RREB1: variants seen among roughly 807,000 people sequenced by gnomAD.
RREB1 encodes the protein ras-responsive element-binding protein 1.
Under a neutral mutation model 117.8 loss-of-function variants are expected in RREB1, and 27 were observed. That is an observed-to-expected ratio of 0.23 (90% confidence interval 0.17 to 0.32). The LOEUF is 0.32. Among genes scored for constraint, RREB1 ranks in the 10% least tolerant of loss-of-function variants. RREB1 has a pLI of 1.00. For missense variants in RREB1, 2,577 were observed against 2,378.2 expected, an observed-to-expected ratio of 1.08 and a Z score of -1.74; for synonymous variants, 1,298 against 1,026.7, an observed-to-expected ratio of 1.26 and a Z score of -5.05.
At chr6:7,166,742 T>G (rs948516455) in intron 1 of RREB1, among the ~76,000 whole-genome samples, 5 of 152,216 alleles carry the variant, frequency 3.3e-5, no homozygotes, top group Non-Finnish European at 2.9e-5. Context: ...TCCTGAATTC[T>G]GGGAATTCGA....
chr6:7,215,036 C>G (rs564487327), intron 8 of RREB1: 12 of 153,126 alleles, frequency 7.8e-5, no homozygotes, highest in Non-Finnish European at 1.3e-4. Context: ...CAGTCATCCC[C>G]CTTCCCCCAG....
intron 6 of RREB1, among the ~76,000 whole-genome samples, chr6:7,199,747 T>A (rs1333981896): frequency 6.6e-6 from 1 of 152,058 alleles, no homozygotes. Flanking sequence ...CACTGCAACC[T>A]CAACCTCCCA....
Position 7,246,530 on chromosome 6 carries a change from C to G in RREB1, c.4080C>G (p.Val1360=), listed in dbSNP as rs1358407442. 1.3e-6 allele frequency: 2 copies of G among 1,547,216 alleles called. No individual in the cohort carries two copies. The highest frequency in any genetic ancestry group is 2.4e-5 in the East Asian group (1 of 41,084). ...PSEGATELRQ[V]AGDAPVEQAT... ...AGGGCGCCACTGAGCTCCGCCAGGT[C>G]GCAGGGGATGCGCCTGTGGAGCAGG... Residue 1360 remains valine, a synonymous_variant, in exon 12 of 13, where the codon GTC becomes GTG. Transcript: ENST00000379938.
rs764506308 is a variant in RREB1 at position 7,249,910 on chromosome 6, C to T, written c.*942C>T. 1.3e-5 allele frequency: 2 copies of T among 152,528 alleles called. No homozygotes were observed. The highest frequency in any genetic ancestry group is 4.8e-5 in the African/African-American group (2 of 41,410). 9.4% of individuals were successfully genotyped at this position (152,528 alleles called of 1,614,324 possible). On this transcript the variant is annotated 3_prime_UTR_variant, in exon 13 of 13. Transcript: ENST00000379938. Reference sequence around the variant, plus strand: ...GAGACCTGTGCCGCACCCAGGTCCCCGTGTTAACGTGTGCCTGCGGTTGTG... The same window carrying T: ...GAGACCTGTGCCGCACCCAGGTCCCTGTGTTAACGTGTGCCTGCGGTTGTG...
At chr6:7,244,244 C>T (rs1278615706) in intron 11 of RREB1, among the ~76,000 whole-genome samples, 1 of 146,462 alleles carries the variant, frequency 6.8e-6, no homozygotes, top group African/African-American at 2.6e-5. Flanking sequence ...GCCCGGGTGA[C>T]AGAGCAAGAC....
Position 7,231,708 on chromosome 6 carries a change from C to A in RREB1, c.3609C>A (p.Asn1203Lys), listed in dbSNP as rs149002354. Residue 1203 changes from asparagine to lysine, a missense_variant, in exon 10 of 13, where the codon AAC becomes AAA. Physicochemically the swap from Asn to Lys is moderately conservative, Grantham distance 94. Transcript: ENST00000379938. The stretch of plus-strand genomic sequence containing the variant: ...CGTTTCTGCAGACAGCGGAGGACAA[C>A]ACTCAGGATGAGGTGGCCGGAGCCC... ...FSPFLQTAEDNTQDEVAGAPA... is the reference protein window; with the variant it reads ...FSPFLQTAEDKTQDEVAGAPA... The A allele has an allele frequency of 1.8e-5, 29 of 1,613,438 alleles. No homozygotes were observed. In the African/African-American group the frequency reaches 3.2e-4, roughly 18 times the overall value.
At chr6:7,139,865 C>T (rs1762487283) in intron 1 of RREB1, among the ~76,000 whole-genome samples, 3 of 152,158 alleles carry the variant, frequency 2.0e-5, no homozygotes, top group Admixed American at 1.3e-4. Flanking sequence ...TTGGTCCTTT[C>T]CCCCACCCAC....
chr6:7,248,226 C>A (rs2094012), intron 12 of RREB1, among the ~76,000 whole-genome samples: 1 of 152,238 alleles, frequency 6.6e-6, no homozygotes, highest in Non-Finnish European at 1.5e-5. Context: ...GTCTGCACAT[C>A]TCCTGAGGCT....
chr6:7,248,415 A>G (rs1356546852), intron 12 of RREB1, 96 bp from the exon 13 acceptor site: 1 of 1,076,124 alleles, frequency 9.3e-7, no homozygotes, highest in Non-Finnish European at 1.4e-6. Context: ...GGCCCCCCGC[A>G]CATAGCCTGG....
intron 1 of RREB1, among the ~76,000 whole-genome samples, chr6:7,115,580 G>A (rs979879178): frequency 2.3e-4 from 35 of 152,094 alleles, no homozygotes; most frequent in Non-Finnish European, 4.4e-4. Context: ...GGTGTCAGTC[G>A]CACTGATGGT....
intron 6 of RREB1, among the ~76,000 whole-genome samples, chr6:7,192,799 C>G (rs577638011): frequency 2.0e-5 from 3 of 152,184 alleles, no homozygotes; most frequent in Non-Finnish European, 2.9e-5. Context: ...AATTACTGTT[C>G]TAAACATTAT....
chr6:7,241,889 G>A (rs1192938030), intron 11 of RREB1, among the ~76,000 whole-genome samples: 2 of 152,238 alleles, frequency 1.3e-5, no homozygotes, highest in Non-Finnish European at 2.9e-5. Flanking sequence ...AGATGTGGGT[G>A]CCCACGGAAT....
chr6:7,174,171 G>A (rs1354117448), intron 1 of RREB1, among the ~76,000 whole-genome samples: 1 of 88,022 alleles, frequency 1.1e-5, no homozygotes, highest in Non-Finnish European at 2.1e-5. Flanking sequence ...TTTTTTTTCT[G>A]AAGCATTGTT....
chr6:7,133,674 A>G (rs1312616466), intron 1 of RREB1, among the ~76,000 whole-genome samples: 1 of 152,242 alleles, frequency 6.6e-6, no homozygotes, highest in Non-Finnish European at 1.5e-5. Context: ...AGGATTAAAA[A>G]TTATTTTTTC....
At position 7,187,537 on chromosome 6, in the gene RREB1, G is replaced by GTTCTT. The variant is rs752956417; in HGVS notation, c.261+17_261+21dup. ...CACATTCGCCAGGTAGATTCCCACTGTTCTTTTATTTTATTTTATTTTATT... is the reference window on the plus strand; with the variant it reads ...CACATTCGCCAGGTAGATTCCCACTGTTCTTTTCTTTTATTTTATTTTATTTTATT... On this transcript the variant is annotated intron_variant, in intron 5 of 12. Transcript: ENST00000379938. 15 of 1,084,394 alleles carry GTTCTT rather than the reference G, an allele frequency of 1.4e-5. No individual in the cohort carries two copies. The highest frequency in any genetic ancestry group is 2.8e-5 in the East Asian group (1 of 35,254). The allele number at this position is 1,084,394 out of a possible 1,614,324, so 67.2% of individuals were successfully genotyped here. A position where few individuals can be genotyped will look rare whatever the true frequency, so the allele number is the denominator to read the frequency against.
chr6:7,177,972 C>T (rs934233601), intron 2 of RREB1, among the ~76,000 whole-genome samples: 3 of 152,180 alleles, frequency 2.0e-5, no homozygotes, highest in African/African-American at 7.2e-5. Flanking sequence ...ATCTGCCTAC[C>T]CTGGCCTCCC....
rs1767863849 is a variant in RREB1 at position 7,230,445 on chromosome 6, G to A, written c.2346G>A (p.Gly782=). The A allele has an allele frequency of 6.3e-7, 1 of 1,591,954 alleles. No homozygotes were observed. The highest frequency in any genetic ancestry group is 8.5e-7 in the Non-Finnish European group (1 of 1,175,460). ...CGCACTGCGGCCGCGGCCTGGGCGG[G>A]GGCCACAAGGGCCGCAAGCCCTTCG... ...MRTHCGRGLG[G]GHKGRKPFEC... The change falls in exon 10 of 13, where the codon GGG becomes GGA. Residue 782 remains glycine (G), a synonymous_variant. Transcript: ENST00000379938.
chr6:7,233,149 G>A (rs1239719574), intron 10 of RREB1, among the ~76,000 whole-genome samples: 1 of 151,916 alleles, frequency 6.6e-6, no homozygotes, highest in Non-Finnish European at 1.5e-5. Flanking sequence ...GCCCACCTTG[G>A]CCTCTCAAAG....
At chr6:7,151,476 C>T (rs761754651) in intron 1 of RREB1, among the ~76,000 whole-genome samples, 13 of 152,178 alleles carry the variant, frequency 8.5e-5, no homozygotes, top group Non-Finnish European at 1.3e-4. Flanking sequence ...ATGGAGTCCA[C>T]GCAGAACAGG....
Sources: gnomAD v4.1 joint callset for allele counts (sites outside exome capture counted in the v4.1 genomes callset) on GRCh38, gnomAD v4.1.1 for gene constraint, MANE v1.5 for transcripts, NCBI Gene and HGNC (gene_info 2026-07-23, HGNC 2026-07-21) for gene names.